OGDH: variants seen among roughly 807,000 people sequenced by gnomAD.
OGDH encodes 2-oxoglutarate dehydrogenase complex component E1.
A neutral mutation model predicts 116.6 loss-of-function variants in OGDH; 38 were observed. The ratio of observed to expected loss-of-function variants is 0.33; its 90% confidence interval spans 0.25 to 0.43. The LOEUF (loss-of-function observed/expected upper bound fraction) is 0.43, where lower values mean the gene tolerates loss of function less well. Ranked by LOEUF, OGDH falls within the 20% of genes least tolerant of loss-of-function variation. OGDH has a pLI of 1.00. For missense variants in OGDH, 825 were observed against 1,357.2 expected (o/e 0.61, Z 6.16); for synonymous variants, 488 against 533.3 (o/e 0.92, Z 1.17).
At chr7:44,678,956 C>G (rs1262041979) in intron 9 of OGDH, among the ~76,000 whole-genome samples, 1 of 152,192 alleles carries the variant, frequency 6.6e-6, no homozygotes. Flanking sequence ...CTAATATGGC[C>G]TTTGGGATCT....
chr7:44,633,003 C>T (rs1256809928), intron 2 of OGDH, among the ~76,000 whole-genome samples: 2 of 151,680 alleles, frequency 1.3e-5, no homozygotes, highest in Non-Finnish European at 2.9e-5. Flanking sequence ...CCTGTAATCC[C>T]AGCACTTTGG....
chr7:44,707,885 C>G lies in OGDH; in HGVS notation c.2958C>G (p.Ala986=). Residue 986 remains alanine, a synonymous_variant, in exon 23 of 23, where the codon GCC becomes GCG. Transcript: ENST00000222673. The surrounding 1 kb of genome is among the most constrained non-coding windows in gnomAD (Gnocchi z 5.2). ...CCCTCCCTCCATCTCTCAGGTATGC[C>G]GGCCGGGACCCAGCGGCTGCTCCAG... ...TISRAKPVWY[A]GRDPAAAPAT... The G allele has an allele frequency of 6.2e-7, 1 of 1,612,670 alleles. No individual in the cohort carries two copies. The highest frequency in any genetic ancestry group is 8.5e-7 in the Non-Finnish European group (1 of 1,179,456).
intron 4 of OGDH, among the ~76,000 whole-genome samples, chr7:44,664,796 A>G (rs547580067): frequency 6.6e-6 from 1 of 152,360 alleles, no homozygotes; most frequent in Admixed American, 6.5e-5. Context: ...TTTCTCAAAT[A>G]GCTAAAGAAC....
At position 44,707,603 on chromosome 7, in the gene OGDH, C is replaced by A. The variant is rs1030548563; in HGVS notation, c.2818C>A (p.Leu940Ile). The A allele has an allele frequency of 6.2e-7, 1 of 1,613,934 alleles. No individual in the cohort carries two copies. The change falls in exon 22 of 23, where the codon CTC becomes ATC. Residue 940 changes from leucine (L) to isoleucine (I), a missense_variant. Physicochemically the swap from Leu to Ile is conservative, Grantham distance 5. Transcript: ENST00000222673. The surrounding 1 kb of genome is among the most constrained non-coding windows in gnomAD (Gnocchi z 5.2). ...IEQLSPFPFD[L>I]LLKEVQKYPN... Reference sequence around the variant, plus strand: ...CTAGCTGTCGCCATTCCCCTTTGACCTCCTGCTGAAGGAGGTGCAGAAGTA... The same window carrying A: ...CTAGCTGTCGCCATTCCCCTTTGACATCCTGCTGAAGGAGGTGCAGAAGTA...
In OGDH at chr7:44,647,660, C is replaced by T. The variant is rs943058486; in HGVS notation, c.418C>T (p.Arg140Ter). The change falls in exon 4 of 23, where the codon CGA becomes TGA. Residue 140 changes from arginine to a stop codon, truncating the protein, a stop_gained. Coordinates refer to ENST00000222673, the MANE Select transcript of OGDH (RefSeq NM_002541.4). LOFTEE classifies it high-confidence loss of function. ...VQSLIRAYQI[R>*]GHHVAQLDPL... ...TCTCATCGTTGGCCACTCATAGATACGAGGGCACCATGTAGCACAGCTGGA... is the reference window on the plus strand; with the variant it reads ...TCTCATCGTTGGCCACTCATAGATATGAGGGCACCATGTAGCACAGCTGGA... 1.9e-6 allele frequency: 3 copies of T among 1,612,750 alleles called. No individual in the cohort carries two copies. The highest frequency in any genetic ancestry group is 1.7e-6 in the Non-Finnish European group (2 of 1,179,204).
At chr7:44,700,419 C>T in intron 19 of OGDH, 150 bp downstream of exon 19, 1 of 991,636 alleles carries the variant, frequency 1.0e-6, no homozygotes, top group Non-Finnish European at 1.5e-6. Context: ...GGGAGCCTCG[C>T]CCTTCCTCCT....
At chr7:44,698,048 C>A in intron 17 of OGDH, 144 bp from the exon 18 acceptor site, 1 of 968,174 alleles carries the variant, frequency 1.0e-6, no homozygotes, top group Middle Eastern at 2.4e-4. Context: ...AAGTGCTTTG[C>A]TGGTGGGAGG....
intron 20 of OGDH, among the ~76,000 whole-genome samples, chr7:44,703,114 C>A (rs1562691625): frequency 1.3e-5 from 2 of 150,950 alleles, no homozygotes. Context: ...GTCAGAATTT[C>A]TTTTTTTTTA....
chr7:44,681,900 T>A (rs1562669368), intron 10 of OGDH, 52 bp downstream of exon 10: 1 of 1,595,656 alleles, frequency 6.3e-7, no homozygotes. Flanking sequence ...TTACTTAGAA[T>A]GACATCTCTG....
chr7:44,688,136 C>G (rs1055106577), intron 10 of OGDH, among the ~76,000 whole-genome samples: 2 of 151,848 alleles, frequency 1.3e-5, no homozygotes, highest in African/African-American at 4.8e-5. Flanking sequence ...TTTGGGAGGC[C>G]GAGGCAGGTG....
At chr7:44,667,359 G>C (rs1340738494) in intron 5 of OGDH, among the ~76,000 whole-genome samples, 1 of 152,150 alleles carries the variant, frequency 6.6e-6, no homozygotes, top group Non-Finnish European at 1.5e-5. Flanking sequence ...TCTGCTTTCA[G>C]ATCCCACTAG....
At chr7:44,657,728 C>G (rs1324352147) in intron 4 of OGDH, among the ~76,000 whole-genome samples, 1 of 152,142 alleles carries the variant, frequency 6.6e-6, no homozygotes, top group Non-Finnish European at 1.5e-5. Context: ...CCAAAATGTT[C>G]TCCTATACAT....
At chr7:44,630,287 A>G (rs1486570782) in intron 2 of OGDH, among the ~76,000 whole-genome samples, 7 of 152,152 alleles carry the variant, frequency 4.6e-5, no homozygotes, top group Admixed American at 3.9e-4. Context: ...TTACCCTCCT[A>G]GCCGCTGCAT....
At chr7:44,652,683 G>A (rs994911481) in intron 4 of OGDH, among the ~76,000 whole-genome samples, 1 of 151,992 alleles carries the variant, frequency 6.6e-6, no homozygotes, top group Non-Finnish European at 1.5e-5. Flanking sequence ...TTACAGCAGT[G>A]AGCCACCGCG....
chr7:44,612,353 A>G (rs1184617159), intron 1 of OGDH, among the ~76,000 whole-genome samples: 1 of 151,932 alleles, frequency 6.6e-6, no homozygotes, highest in African/African-American at 2.4e-5. Context: ...TTCTTTTTCA[A>G]AATTGTTTCA....
At chr7:44,661,283 G>C (rs1419135276) in intron 4 of OGDH, among the ~76,000 whole-genome samples, 1 of 152,058 alleles carries the variant, frequency 6.6e-6, no homozygotes, top group African/African-American at 2.4e-5. Flanking sequence ...ACTTACATTT[G>C]ATTAATGTTT....
At chr7:44,653,083 G>GT (rs978473648) in intron 4 of OGDH, among the ~76,000 whole-genome samples, 2 of 151,646 alleles carry the variant, frequency 1.3e-5, no homozygotes, top group East Asian at 1.9e-4. Flanking sequence ...CTGTTGTTTG[G>GT]TTTTTTTTAA....
At chr7:44,675,869 C>T in intron 8 of OGDH, 101 bp from the exon 9 acceptor site, 1 of 1,248,570 alleles carries the variant, frequency 8.0e-7, no homozygotes, top group Non-Finnish European at 1.1e-6. Flanking sequence ...AAGAGCGAAA[C>T]TCCATCTCAA....
chr7:44,650,423 G>A lies in OGDH; in HGVS notation c.517+2664G>A, dbSNP rs116505816. Among the ~76,000 whole-genome samples, 876 of 152,246 alleles carry A rather than the reference G, an allele frequency of 5.8e-3. 9 individuals are homozygous for A. Among genetic ancestry groups the A allele is most frequent in the African/African-American group, 0.019 (799 of 41,540 alleles). On this transcript the variant is annotated intron_variant, in intron 4 of 22. Transcript: ENST00000222673. The stretch of plus-strand genomic sequence containing the variant: ...TGGGCTAGTTGCTTAACCTCTCTGT[G>A]CCTCATCACCTCATCTGTAAGGCAG...
Sources: allele counts gnomAD v4.1 joint callset (sites outside exome capture counted in the v4.1 genomes callset), GRCh38; gene constraint gnomAD v4.1.1; non-coding constraint Gnocchi (gnomAD v3.1); transcripts MANE v1.5; gene names NCBI Gene and HGNC (gene_info 2026-07-23, HGNC 2026-07-21).